ZMYM2: variants seen among roughly 807,000 people sequenced by gnomAD.
ZMYM2 encodes zinc finger MYM-type containing 2, also known as zinc finger MYM-type protein 2.
Under a neutral mutation model 162.8 loss-of-function variants are expected in ZMYM2, and 56 were observed. The ratio of observed to expected loss-of-function variants is 0.34; its 90% CI spans 0.28 to 0.43. The LOEUF (loss-of-function observed/expected upper bound fraction) is 0.43, where lower values mean the gene tolerates loss of function less well. ZMYM2 is among the 20% of genes least tolerant of loss of function. The pLI is 1.00. For synonymous variants in ZMYM2, 510 were observed against 541.6 expected (o/e 0.94, Z 0.81); for missense variants, 1,275 against 1,621.8 (o/e 0.79, Z 3.67).
At chr13:19,887,529 A>T in the ZMYM2 span, among the ~76,000 whole-genome samples, 2 of 86,642 alleles carry the variant, frequency 2.3e-5, no homozygotes, top group Admixed American at 1.2e-4. Flanking sequence ...ACTTGGTATA[A>T]AAAAAAAAAA....
chr13:19,882,859 G>A, the ZMYM2 span, among the ~76,000 whole-genome samples: 1 of 152,086 alleles, frequency 6.6e-6, no homozygotes, highest in African/African-American at 2.4e-5. Context: ...TTCTTCAAAA[G>A]ATAAACATTA....
At chr13:19,943,059 A>G in the ZMYM2 span, among the ~76,000 whole-genome samples, 2 of 152,296 alleles carry the variant, frequency 1.3e-5, no homozygotes, top group East Asian at 3.9e-4. Flanking sequence ...TAGCTGGGCC[A>G]TACCGACCGA....
the ZMYM2 span, among the ~76,000 whole-genome samples, chr13:19,895,670 A>T: frequency 2.6e-4 from 39 of 151,836 alleles, no homozygotes; most frequent in African/African-American, 8.5e-4. Context: ...GGCAGAGCCT[A>T]CGTGATGCAA....
intron 18 of ZMYM2, among the ~76,000 whole-genome samples, 162 bp downstream of exon 18, chr13:20,063,133 T>C (rs1593184320): frequency 6.6e-6 from 1 of 152,306 alleles, no homozygotes; most frequent in South Asian, 2.1e-4. Context: ...TATTTTGTTG[T>C]TGTTTTTTTT....
At chr13:20,010,199 G>GT (rs1028555246) in intron 6 of ZMYM2, among the ~76,000 whole-genome samples, 9 of 151,846 alleles carry the variant, frequency 5.9e-5, no homozygotes, top group African/African-American at 1.2e-4. Flanking sequence ...TGTTGTTGTT[G>GT]TTTTTTTTAT....
the ZMYM2 span, among the ~76,000 whole-genome samples, chr13:19,885,841 C>G: frequency 1.5e-5 from 1 of 65,068 alleles, no homozygotes; most frequent in Non-Finnish European, 3.5e-5. Flanking sequence ...GAGTGAAACT[C>G]TGTCTCAAAA....
At chr13:20,021,591 A>T (rs1177050779) in intron 7 of ZMYM2, among the ~76,000 whole-genome samples, 1 of 152,142 alleles carries the variant, frequency 6.6e-6, no homozygotes, top group African/African-American at 2.4e-5. Flanking sequence ...GCCTGGGGCT[A>T]TTTATTCATA....
chr13:19,887,766 G>A, the ZMYM2 span, among the ~76,000 whole-genome samples: 1 of 151,652 alleles, frequency 6.6e-6, no homozygotes, highest in Admixed American at 6.6e-5. Flanking sequence ...TCATTTATTA[G>A]CTCATCGTTT....
Position 19,966,334 on chromosome 13 carries a change from A to G in ZMYM2, c.-11+6308A>G, listed in dbSNP as rs190492077. The stretch of plus-strand genomic sequence containing the variant: ...TTTTTAGTAGAGATGGGGTTTCTAC[A>G]TGTTGGTGAGGCTGGTCTTGAACTC... On this transcript the variant is annotated intron_variant, in intron 2 of 24. Coordinates refer to ENST00000610343, the MANE Select transcript of ZMYM2 (RefSeq NM_197968.4). 1.7e-4 allele frequency among the ~76,000 whole-genome samples: 25 copies of G among 149,890 alleles called. No homozygotes were observed. The East Asian group carries it at 1.8e-3, about 11-fold the overall frequency.
rs1323391450 is a variant in ZMYM2, at chr13:20,034,292, T to G, written c.2007T>G (p.Asp669Glu). Residue 669 changes from aspartate (D) to glutamate (E), a missense_variant, in exon 11 of 25, where the codon GAT (aspartate) becomes GAG (glutamate). Physicochemically the swap from Asp to Glu is conservative, Grantham distance 45 (BLOSUM62 2). Around this residue, in one of 10 missense-constraint regions of ZMYM2, gnomAD observed 276 missense variants for 311.8 expected, o/e 0.89. Coordinates refer to ENST00000610343, the MANE Select transcript of ZMYM2 (RefSeq NM_197968.4). ...AGTTCTGCAGCAAAACTTGTTCAGATGACTATAAGAAGTTGCATTGCATAG... is the reference window on the plus strand; with the variant it reads ...AGTTCTGCAGCAAAACTTGTTCAGAGGACTATAAGAAGTTGCATTGCATAG... ...VHQFCSKTCSDDYKKLHCIVT... is the reference protein window; with the variant it reads ...VHQFCSKTCSEDYKKLHCIVT... 1.2e-6 allele frequency: 2 copies of G among 1,609,148 alleles called. No individual in the cohort carries two copies. The highest frequency in any genetic ancestry group is 2.7e-5 in the African/African-American group (2 of 74,616).
At chr13:19,997,941 G>C (rs191435941) in intron 3 of ZMYM2, among the ~76,000 whole-genome samples, 1 of 152,166 alleles carries the variant, frequency 6.6e-6, no homozygotes, top group East Asian at 1.9e-4. Flanking sequence ...TTATTTTTAA[G>C]AATATTCTTG....
At chr13:20,053,665 CAAAA>C (rs982363509) in intron 14 of ZMYM2, among the ~76,000 whole-genome samples, 24 of 151,570 alleles carry the variant, frequency 1.6e-4, no homozygotes, top group African/African-American at 5.3e-4. Context: ...TTAACAACAA[CAAAA>C]AAAAGTTATT....
intron 23 of ZMYM2, 129 bp from the exon 24 acceptor site, chr13:20,083,521 ACATTAC>A: frequency 1.5e-6 from 1 of 664,608 alleles, no homozygotes; most frequent in Non-Finnish European, 2.5e-6. Context: ...GAAAAATTGT[ACATTAC>A]CAGAAGCCAT....
At chr13:19,950,858 T>C in the ZMYM2 span, among the ~76,000 whole-genome samples, 1 of 152,218 alleles carries the variant, frequency 6.6e-6, no homozygotes, top group Non-Finnish European at 1.5e-5. Context: ...AATAATCTAA[T>C]CTTTCCCTTT....
the ZMYM2 span, among the ~76,000 whole-genome samples, chr13:19,896,044 T>TC: frequency 1.3e-5 from 2 of 150,730 alleles, 1 homozygote; most frequent in African/African-American, 4.9e-5. Flanking sequence ...TTTTTTTTTT[T>TC]GAGAGAGTCT....
rs1036744206 is a variant in ZMYM2 at position 20,044,778 on chromosome 13, G to A, written c.2293-6655G>A. On this transcript the variant is annotated intron_variant, in intron 12 of 24. Transcript: ENST00000610343. ...AAGCATGTGAAGACAGGCCAGGCGC[G>A]GCGGCTCACTCCTGTAATCCCAGCA... 4.0e-5 allele frequency among the ~76,000 whole-genome samples: 6 copies of A among 151,256 alleles called. No homozygotes were observed. The South Asian group carries it at 1.3e-3, about 32-fold the overall frequency.
the ZMYM2 span, among the ~76,000 whole-genome samples, chr13:19,882,391 T>C: frequency 1.3e-5 from 2 of 152,268 alleles, no homozygotes; most frequent in Non-Finnish European, 2.9e-5. Context: ...CTCCAAAACA[T>C]GGCCAACTAG....
At chr13:19,894,487 A>C in the ZMYM2 span, among the ~76,000 whole-genome samples, 6 of 151,812 alleles carry the variant, frequency 4.0e-5, no homozygotes, top group Admixed American at 2.6e-4. Context: ...CTGGAATTAC[A>C]GGTGCCTGCC....
chr13:19,893,509 G>A, the ZMYM2 span, among the ~76,000 whole-genome samples: 3 of 151,896 alleles, frequency 2.0e-5, no homozygotes, highest in African/African-American at 7.3e-5. Flanking sequence ...AGGCCAAGGC[G>A]GGTGGATCAC....
Sources: allele counts gnomAD v4.1 joint callset (sites outside exome capture counted in the v4.1 genomes callset), GRCh38; gene constraint gnomAD v4.1.1; regional missense constraint gnomAD v4.1.1; transcripts MANE v1.5; gene names NCBI Gene and HGNC (gene_info 2026-07-23, HGNC 2026-07-21).